TRAF3: variants seen among roughly 807,000 people sequenced by gnomAD.
TRAF3 encodes the protein TNF receptor associated factor 3, also known as TNF receptor-associated factor 3.
A neutral mutation model predicts 62.3 loss-of-function variants in TRAF3; 13 were observed. The ratio of observed to expected loss-of-function variants is 0.21; its 90% CI spans 0.14 to 0.33. The LOEUF is 0.33. Among genes scored for constraint, TRAF3 ranks in the 10% least tolerant of loss-of-function variants. The pLI is 1.00. For synonymous variants in TRAF3, 269 were observed against 283.4 expected (o/e 0.95, Z 0.51); for missense variants, 440 against 741.8 (o/e 0.59, Z 4.73).
intron 4 of TRAF3, among the ~76,000 whole-genome samples, chr14:102,874,677 G>A (rs1462271690): frequency 1.3e-5 from 2 of 150,946 alleles, no homozygotes; most frequent in Non-Finnish European, 3.0e-5. Flanking sequence ...AGAAATGGGG[G>A]TCTCCCACTG....
At chr14:102,825,623 C>T (rs1271352438) in intron 1 of TRAF3, among the ~76,000 whole-genome samples, 2 of 152,228 alleles carry the variant, frequency 1.3e-5, no homozygotes, top group Non-Finnish European at 2.9e-5. Context: ...GGCTTCTGGC[C>T]GTGTGGGTCA....
intron 6 of TRAF3, chr14:102,876,801 C>T (rs999995499): frequency 4.4e-6 from 2 of 458,892 alleles, no homozygotes; most frequent in Admixed American, 3.4e-5. Context: ...TTCCACAAGC[C>T]TTCCGCTCAA....
At chr14:102,796,556 C>T (rs895124922) in intron 1 of TRAF3, among the ~76,000 whole-genome samples, 26 of 152,192 alleles carry the variant, frequency 1.7e-4, no homozygotes, top group Non-Finnish European at 2.1e-4. Flanking sequence ...ACAGCCTTGG[C>T]GACTGAACCG....
Position 102,885,459 on chromosome 14 carries a change from C to T in TRAF3, c.571-730C>T, listed in dbSNP as rs567674105. Among the ~76,000 whole-genome samples, 20 of 152,280 alleles carry T rather than the reference C, an allele frequency of 1.3e-4. No homozygotes were observed. In the South Asian group the frequency reaches 3.9e-3, roughly 30 times the overall value. ...TTCCTCATCAGTCTCTCCCCAGGGG[C>T]CCTGCAGTTGATGTCCTTGTGGGGA... On this transcript the variant is annotated intron_variant, in intron 6 of 11. Coordinates refer to ENST00000392745, the MANE Select transcript of TRAF3 (RefSeq NM_145725.3).
intron 6 of TRAF3, among the ~76,000 whole-genome samples, chr14:102,884,715 G>A (rs1889263368): frequency 6.6e-6 from 1 of 152,022 alleles, no homozygotes; most frequent in South Asian, 2.1e-4. Context: ...CGGAGGCTGA[G>A]GCAGGAGAAT....
At chr14:102,876,313 A>C in intron 5 of TRAF3, 45 bp from the exon 6 acceptor site, 1 of 1,603,328 alleles carries the variant, frequency 6.2e-7, no homozygotes, top group Non-Finnish European at 8.5e-7. Context: ...TTTCAGATTT[A>C]GGGTTTTTTT....
intron 2 of TRAF3, among the ~76,000 whole-genome samples, chr14:102,835,005 C>G (rs1318786438): frequency 6.6e-6 from 1 of 152,010 alleles, no homozygotes; most frequent in Non-Finnish European, 1.5e-5. Flanking sequence ...ATGCATCTGA[C>G]AAAGGTCTAA....
intron 2 of TRAF3, among the ~76,000 whole-genome samples, chr14:102,836,686 T>G (rs1290663845): frequency 1.3e-5 from 2 of 152,242 alleles, no homozygotes; most frequent in African/African-American, 4.8e-5. Context: ...GAAGTAAATT[T>G]ATTCTAGAGA....
intron 2 of TRAF3, among the ~76,000 whole-genome samples, chr14:102,846,485 C>T (rs1014704426): frequency 1.3e-5 from 2 of 151,754 alleles, no homozygotes; most frequent in African/African-American, 2.4e-5. Context: ...GGTGATAAAT[C>T]TCTAAAGAAA....
Position 102,911,465 on chromosome 14 carries a change from T to G in TRAF3, c.*5681T>G, listed in dbSNP as rs1485350084. 6.6e-6 allele frequency: 1 copy of G among 152,246 alleles called. No individual in the cohort carries two copies. Among genetic ancestry groups the G allele is most frequent in the Non-Finnish European group, 1.5e-5 (1 of 68,050 alleles). 9.4% of individuals were successfully genotyped at this position (152,246 alleles called of 1,614,324 possible). A position where few individuals can be genotyped will look rare whatever the true frequency, so the allele number is the denominator to read the frequency against. ...CAAAACTCGGAGATGCTAAACTGTC[T>G]TATTAGAGGAAAATAAATCTGATTA... is the stretch of plus-strand genomic sequence containing the variant. On this transcript the variant is annotated 3_prime_UTR_variant, in exon 12 of 12. Coordinates refer to ENST00000392745, the MANE Select transcript of TRAF3 (RefSeq NM_145725.3).
intron 2 of TRAF3, among the ~76,000 whole-genome samples, chr14:102,835,772 A>C (rs1186518842): frequency 1.3e-5 from 2 of 152,194 alleles, no homozygotes; most frequent in Non-Finnish European, 2.9e-5. Context: ...AGGTGGGAAG[A>C]GGGAGAGGAT....
In TRAF3 at chr14:102,891,315, G is replaced by C; in HGVS notation, c.727-10G>C. The C allele has an allele frequency of 6.2e-7, 1 of 1,611,732 alleles. No homozygotes were observed. The highest frequency in any genetic ancestry group is 8.5e-7 in the Non-Finnish European group (1 of 1,179,448). ...GGTTCGCTGAATGCCTCACATGTTT[G>C]CTCTCGCAGGGGACAAACCAGCAGA... On this transcript the variant is annotated splice_polypyrimidine_tract_variant and intron_variant, in intron 8 of 11. Coordinates refer to ENST00000392745, the MANE Select transcript of TRAF3 (RefSeq NM_145725.3).
chr14:102,900,653 G>A (rs750123873), intron 10 of TRAF3, among the ~76,000 whole-genome samples: 3 of 152,234 alleles, frequency 2.0e-5, no homozygotes, highest in South Asian at 2.1e-4. Context: ...CCATCCACGC[G>A]GCCTTCACTC....
At chr14:102,880,447 G>A (rs566759457) in intron 6 of TRAF3, among the ~76,000 whole-genome samples, 1 of 152,330 alleles carries the variant, frequency 6.6e-6, no homozygotes, top group South Asian at 2.1e-4. Flanking sequence ...TTATTAAAAA[G>A]TCAAAAAACA....
rs1890380176 is a variant in TRAF3 at position 102,903,012 on chromosome 14, G to A, written c.961-243G>A. The A allele has an allele frequency of 1.7e-5, 10 of 579,306 alleles. No homozygotes were observed. The highest frequency in any genetic ancestry group is 2.8e-5 in the Non-Finnish European group (9 of 322,008). The allele number at this position is 579,306 out of a possible 1,614,324, so 35.9% of individuals were successfully genotyped here. ...AGCTGACTTAGTGGAGCCTCCTGTT[G>A]TTTTCTTCCATGTGGCTTCATGTCA... On this transcript the variant is annotated intron_variant, in intron 10 of 11. Transcript: ENST00000392745. This position sits in a 1 kb window ranked among gnomAD's most constrained non-coding sequence, Gnocchi z 6.4.
chr14:102,854,248 G>T (rs78026810), intron 2 of TRAF3, among the ~76,000 whole-genome samples: 1 of 151,954 alleles, frequency 6.6e-6, no homozygotes. Context: ...TGCTGTGAAC[G>T]TTTGTGAACA....
At chr14:102,851,014 G>A (rs75501108) in intron 2 of TRAF3, among the ~76,000 whole-genome samples, 1,956 of 152,258 alleles carry the variant, frequency 0.013, 44 homozygotes, top group African/African-American at 0.045. Context: ...AACCAGAGGC[G>A]CATGTGTCCA....
At chr14:102,794,035 A>G (rs960352661) in intron 1 of TRAF3, among the ~76,000 whole-genome samples, 11 of 152,092 alleles carry the variant, frequency 7.2e-5, no homozygotes, top group African/African-American at 2.4e-4. Flanking sequence ...GGCTCAGGGG[A>G]TCCTCCCTCT....
At chr14:102,834,550 G>C (rs1336941788) in intron 2 of TRAF3, among the ~76,000 whole-genome samples, 1 of 151,990 alleles carries the variant, frequency 6.6e-6, no homozygotes, top group Non-Finnish European at 1.5e-5. Context: ...AGCCGGGCGT[G>C]GTGGCGGGCG....
Sources: gnomAD v4.1 joint callset for allele counts (sites outside exome capture counted in the v4.1 genomes callset) on GRCh38, gnomAD v4.1.1 for gene constraint, Gnocchi (gnomAD v3.1) non-coding constraint, MANE v1.5 for transcripts, NCBI Gene and HGNC (gene_info 2026-07-23, HGNC 2026-07-21) for gene names.